The following ARHGAP15 variants were observed in gnomAD, a reference collection of about 807,000 sequenced individuals.
The protein encoded by ARHGAP15 is Rho GTPase activating protein 15, also known as rho GTPase-activating protein 15.
ARHGAP15 carries 51 observed loss-of-function variants against 63.7 expected under a neutral mutation model. The observed-to-expected ratio is 0.80, with a 90% confidence interval of 0.64 to 1.01. The LOEUF (loss-of-function observed/expected upper bound fraction) is 1.01, where lower values mean the gene tolerates loss of function less well. Among genes scored for constraint, ARHGAP15 ranks in the 50% least tolerant of loss-of-function variants. The pLI is 0.00. For synonymous variants in ARHGAP15, 191 were observed against 193.8 expected (o/e 0.99, Z 0.12); for missense variants, 560 against 564.6 (o/e 0.99, Z 0.08).
chr2:143,444,383 A>C (rs1335727787), intron 8 of ARHGAP15, among the ~76,000 whole-genome samples: 2 of 152,198 alleles, frequency 1.3e-5, no homozygotes, highest in Non-Finnish European at 2.9e-5. Flanking sequence ...ATGTTTTCTT[A>C]TAAAGTTAGG....
intron 11 of ARHGAP15, chr2:143,587,824 A>G (rs1390329063): frequency 2.2e-6 from 1 of 457,180 alleles, no homozygotes; most frequent in Non-Finnish European, 4.5e-6. Context: ...ACTGGTATTT[A>G]TATTTATTAA....
At chr2:143,696,107 A>C (rs1204856010) in intron 12 of ARHGAP15, among the ~76,000 whole-genome samples, 1 of 152,132 alleles carries the variant, frequency 6.6e-6, no homozygotes, top group African/African-American at 2.4e-5. Context: ...ACACATCTGA[A>C]TTATTTTGGA....
intron 9 of ARHGAP15, among the ~76,000 whole-genome samples, chr2:143,489,620 T>C (rs1255767382): frequency 6.6e-6 from 1 of 152,178 alleles, no homozygotes; most frequent in Admixed American, 6.5e-5. Flanking sequence ...AGTACTTTAA[T>C]CCATTTTTTT....
At chr2:143,325,203 A>G (rs1011473508) in intron 6 of ARHGAP15, among the ~76,000 whole-genome samples, 14 of 152,094 alleles carry the variant, frequency 9.2e-5, no homozygotes, top group African/African-American at 3.1e-4. Context: ...TATTGTCTTG[A>G]CTCAAAATTT....
intron 12 of ARHGAP15, among the ~76,000 whole-genome samples, chr2:143,633,771 TTCACTGCATCAATAGATTG>T (rs1377326426): frequency 1.2e-4 from 19 of 152,250 alleles, no homozygotes; most frequent in African/African-American, 4.3e-4. Context: ...GTGGTTGGTT[TTCACTGCATCAATAGATTG>T]TAATAAAACT....
At chr2:143,688,829 TA>T (rs1055878309) in intron 12 of ARHGAP15, among the ~76,000 whole-genome samples, 1 of 152,208 alleles carries the variant, frequency 6.6e-6, no homozygotes, top group Non-Finnish European at 1.5e-5. Context: ...ACTAAATGTT[TA>T]TTTTTTTAGT....
intron 6 of ARHGAP15, among the ~76,000 whole-genome samples, chr2:143,349,981 T>C (rs1006315035): frequency 1.3e-5 from 2 of 152,224 alleles, no homozygotes; most frequent in East Asian, 1.9e-4. Flanking sequence ...AGTTGAAATA[T>C]AATAGGCCTT....
At chr2:143,452,820 TAATA>T (rs1022926767) in intron 8 of ARHGAP15, among the ~76,000 whole-genome samples, 11 of 152,024 alleles carry the variant, frequency 7.2e-5, no homozygotes, top group Admixed American at 5.3e-4. Flanking sequence ...TAATTTATCC[TAATA>T]AATAGTGATT....
intron 11 of ARHGAP15, among the ~76,000 whole-genome samples, chr2:143,584,461 A>G (rs1389873841): frequency 6.6e-6 from 1 of 152,052 alleles, no homozygotes; most frequent in African/African-American, 2.4e-5. Flanking sequence ...CCCTATCTCT[A>G]CTAAAAATAC....
intron 6 of ARHGAP15, among the ~76,000 whole-genome samples, chr2:143,340,858 A>G (rs1685026902): frequency 6.6e-6 from 1 of 152,080 alleles, no homozygotes; most frequent in South Asian, 2.1e-4. Flanking sequence ...TGTTTTTCTG[A>G]CCTTTGACTT....
chr2:143,487,549 TG>T lies in ARHGAP15; in HGVS notation c.826+55del. The T allele has an allele frequency of 3.2e-6, 5 of 1,559,502 alleles. No individual in the cohort carries two copies. In the South Asian group the frequency reaches 6.2e-5, roughly 19 times the overall value. On this transcript the variant is annotated intron_variant, in intron 9 of 13. Transcript: ENST00000295095. ...ACTGTGATAAATGAATGTGCCTCTG[TG>T]TTCATAGCTAATCAGCTCTAAAGGA...
chr2:143,156,700 G>A (rs543061013), intron 2 of ARHGAP15, among the ~76,000 whole-genome samples: 2 of 152,070 alleles, frequency 1.3e-5, no homozygotes, highest in African/African-American at 2.4e-5. Flanking sequence ...TTCCTCAGGT[G>A]TTGTAGACAA....
At chr2:143,593,988 A>G (rs1302320484) in intron 11 of ARHGAP15, among the ~76,000 whole-genome samples, 4 of 152,206 alleles carry the variant, frequency 2.6e-5, no homozygotes, top group Non-Finnish European at 5.9e-5. Flanking sequence ...ATATTATTTA[A>G]CTCTTAAGCA....
chr2:143,549,504 T>C (rs892625445), intron 10 of ARHGAP15, among the ~76,000 whole-genome samples: 1 of 152,040 alleles, frequency 6.6e-6, no homozygotes, highest in Non-Finnish European at 1.5e-5. Flanking sequence ...TAACCAAACT[T>C]GGAGTCAACA....
intron 12 of ARHGAP15, among the ~76,000 whole-genome samples, chr2:143,626,374 A>T (rs1698835107): frequency 6.6e-6 from 1 of 152,128 alleles, no homozygotes; most frequent in Non-Finnish European, 1.5e-5. Flanking sequence ...ACTCAGGGTT[A>T]TTGTGTCAGG....
intron 2 of ARHGAP15, among the ~76,000 whole-genome samples, chr2:143,185,022 G>A (rs879229941): frequency 6.6e-6 from 1 of 151,948 alleles, no homozygotes. Flanking sequence ...AGAAATACTC[G>A]TTTAAACTGT....
intron 11 of ARHGAP15, among the ~76,000 whole-genome samples, chr2:143,618,086 G>GGT: frequency 6.6e-6 from 1 of 152,122 alleles, no homozygotes; most frequent in East Asian, 1.9e-4. Context: ...TTTGGCACAG[G>GGT]GTGACATCAC....
intron 12 of ARHGAP15, among the ~76,000 whole-genome samples, chr2:143,679,668 T>C (rs1005551544): frequency 6.9e-6 from 1 of 145,362 alleles, no homozygotes; most frequent in Non-Finnish European, 1.5e-5. Flanking sequence ...TGTGTGTGTG[T>C]GTGTGTGTGT....
At chr2:143,627,072 G>T (rs2105246685) in intron 12 of ARHGAP15, among the ~76,000 whole-genome samples, 1 of 152,108 alleles carries the variant, frequency 6.6e-6, no homozygotes, top group Admixed American at 6.5e-5. Flanking sequence ...CCAGAGAGTG[G>T]GCCCTCACCA....
Sources: gnomAD v4.1 joint callset for allele counts (sites outside exome capture counted in the v4.1 genomes callset) on GRCh38, gnomAD v4.1.1 for gene constraint, MANE v1.5 for transcripts, NCBI Gene and HGNC (gene_info 2026-07-23, HGNC 2026-07-21) for gene names.